Variants in STXBP6 observed in about 807,000 individuals in gnomAD.
The protein encoded by STXBP6 is syntaxin binding protein 6.
STXBP6 carries 21 observed loss-of-function variants against 26.9 expected under a neutral mutation model. The ratio of observed to expected loss-of-function variants is 0.78; its 90% CI spans 0.55 to 1.12. The LOEUF (loss-of-function observed/expected upper bound fraction) is 1.12. Among genes scored for constraint, STXBP6 ranks in the 50% most tolerant of loss-of-function variants. STXBP6 has a pLI of 0.00. For missense variants in STXBP6, 232 were observed against 257.9 expected, an observed-to-expected ratio of 0.90 and a Z score of 0.69; for synonymous variants, 97 against 92.6, an observed-to-expected ratio of 1.05 and a Z score of -0.27.
chr14:24,899,502 C>T (rs1444394305), intron 2 of STXBP6, among the ~76,000 whole-genome samples: 3 of 151,870 alleles, frequency 2.0e-5, no homozygotes, highest in Admixed American at 6.6e-5. Context: ...AACTTATGGC[C>T]GGGTGTGGTG....
intron 2 of STXBP6, among the ~76,000 whole-genome samples, chr14:24,967,712 C>A (rs1231344222): frequency 6.6e-6 from 1 of 152,084 alleles, no homozygotes. Flanking sequence ...AAAAGGCTTA[C>A]CCTGATATAT....
chr14:24,870,441 C>T (rs1439480645), intron 2 of STXBP6, among the ~76,000 whole-genome samples: 1 of 152,108 alleles, frequency 6.6e-6, no homozygotes, highest in East Asian at 1.9e-4. Context: ...TGTACTTCTG[C>T]CTATGTAATC....
intron 4 of STXBP6, among the ~76,000 whole-genome samples, chr14:24,851,471 A>G (rs1398939238): frequency 5.5e-5 from 8 of 144,888 alleles, no homozygotes. Flanking sequence ...CCCACCTATG[A>G]GTGAGAACAT....
At chr14:25,038,068 A>AAC (rs145804703) in intron 1 of STXBP6, among the ~76,000 whole-genome samples, 8,293 of 151,508 alleles carry the variant, frequency 0.055, 576 homozygotes, top group African/African-American at 0.16. Flanking sequence ...TAAAAATACG[A>AAC]ACACACACAC....
At chr14:25,045,916 T>C (rs1297175942) in intron 1 of STXBP6, among the ~76,000 whole-genome samples, 2 of 152,158 alleles carry the variant, frequency 1.3e-5, no homozygotes, top group Admixed American at 6.6e-5. Flanking sequence ...CCTAAATGTG[T>C]TCATAATTTT....
chr14:24,922,860 T>G (rs910240633), intron 2 of STXBP6, among the ~76,000 whole-genome samples: 1 of 152,148 alleles, frequency 6.6e-6, no homozygotes, highest in Non-Finnish European at 1.5e-5. Flanking sequence ...TCCAGTTCAG[T>G]GATGAACTTA....
chr14:24,921,163 CAGGGATGTG>C (rs1173555911), intron 2 of STXBP6, among the ~76,000 whole-genome samples: 1 of 152,176 alleles, frequency 6.6e-6, no homozygotes, highest in Non-Finnish European at 1.5e-5. Flanking sequence ...ACTTACTTCA[CAGGGATGTG>C]TCAGGATTCA....
intron 2 of STXBP6, among the ~76,000 whole-genome samples, chr14:24,968,678 G>C (rs1053813095): frequency 1.5e-4 from 23 of 152,108 alleles, no homozygotes; most frequent in African/African-American, 5.1e-4. Flanking sequence ...CAGATCCCTA[G>C]AATCTCAGAA....
chr14:24,906,390 A>AT (rs1229333072), intron 2 of STXBP6, among the ~76,000 whole-genome samples: 17 of 152,166 alleles, frequency 1.1e-4, no homozygotes, highest in African/African-American at 3.6e-4. Context: ...ATAATTTTTT[A>AT]TATAGTTCAA....
chr14:25,027,967 G>C (rs576444394), intron 1 of STXBP6, among the ~76,000 whole-genome samples: 1 of 152,168 alleles, frequency 6.6e-6, no homozygotes, highest in Non-Finnish European at 1.5e-5. Flanking sequence ...TCAATTCTAC[G>C]AAGGCTGAAA....
At chr14:24,949,326 T>A (rs2073090495) in intron 2 of STXBP6, among the ~76,000 whole-genome samples, 1 of 152,192 alleles carries the variant, frequency 6.6e-6, no homozygotes, top group African/African-American at 2.4e-5. Flanking sequence ...AGTTTTTAAA[T>A]CTTCATAATT....
At chr14:24,936,840 A>AT (rs1448725144) in intron 2 of STXBP6, among the ~76,000 whole-genome samples, 2 of 152,236 alleles carry the variant, frequency 1.3e-5, no homozygotes, top group Non-Finnish European at 2.9e-5. Context: ...ACATGCACAC[A>AT]TATGTTTATT....
chr14:25,039,397 T>G (rs2075605461), intron 1 of STXBP6, among the ~76,000 whole-genome samples: 1 of 152,218 alleles, frequency 6.6e-6, no homozygotes, highest in Non-Finnish European at 1.5e-5. Flanking sequence ...CTCTTCATTT[T>G]GGAGGCATCA....
chr14:25,035,319 C>T (rs1385009119), intron 1 of STXBP6, among the ~76,000 whole-genome samples: 1 of 152,172 alleles, frequency 6.6e-6, no homozygotes, highest in Admixed American at 6.5e-5. Context: ...ATTAGCTACA[C>T]CCACTCAAAA....
intron 2 of STXBP6, among the ~76,000 whole-genome samples, chr14:24,888,155 C>T (rs2070657154): frequency 6.6e-6 from 1 of 152,152 alleles, no homozygotes; most frequent in African/African-American, 2.4e-5. Flanking sequence ...TCTCTTAAAC[C>T]TCACTAAAGT....
At chr14:25,029,748 A>G (rs186212001) in intron 1 of STXBP6, among the ~76,000 whole-genome samples, 1 of 152,154 alleles carries the variant, frequency 6.6e-6, no homozygotes, top group African/African-American at 2.4e-5. Flanking sequence ...TCCTGAAAAG[A>G]CTTACCACAT....
At chr14:24,841,207 A>G (rs1420312186) in intron 4 of STXBP6, among the ~76,000 whole-genome samples, 5 of 152,100 alleles carry the variant, frequency 3.3e-5, no homozygotes, top group African/African-American at 2.4e-5. Flanking sequence ...TCTTACATCT[A>G]TATTACAGTC....
At chr14:24,945,739 A>C (rs1246396083) in intron 2 of STXBP6, among the ~76,000 whole-genome samples, 1 of 152,208 alleles carries the variant, frequency 6.6e-6, no homozygotes, top group Non-Finnish European at 1.5e-5. Flanking sequence ...GCTGACCTTT[A>C]CCAAGCATCA....
intron 2 of STXBP6, among the ~76,000 whole-genome samples, chr14:24,899,224 A>C (rs1395999809): frequency 1.3e-5 from 2 of 152,188 alleles, no homozygotes; most frequent in East Asian, 3.8e-4. Context: ...ATTTCAATAA[A>C]ATTAAAGCAC....
Sources: allele counts gnomAD v4.1 joint callset (sites outside exome capture counted in the v4.1 genomes callset), GRCh38; gene constraint gnomAD v4.1.1; transcripts MANE v1.5; gene names NCBI Gene and HGNC (gene_info 2026-07-23, HGNC 2026-07-21).